The following RRAGB variants were observed in gnomAD, a reference collection of about 807,000 sequenced individuals.
The protein encoded by RRAGB is Ras related GTP binding B, also known as ras-related GTP-binding protein B.
RRAGB carries 6 observed loss-of-function variants against 29.3 expected under a neutral mutation model. That is an observed-to-expected ratio of 0.21 (90% CI 0.11 to 0.40). The LOEUF is 0.40. RRAGB is among the 10% of genes least tolerant of loss of function. RRAGB has a pLI of 1.00. For synonymous variants in RRAGB, 101 were observed against 92.5 expected (o/e 1.09, Z -0.53); for missense variants, 184 against 272.9 (o/e 0.67, Z 2.29).
intron 6 of RRAGB, 85 bp downstream of exon 6, chrX:55,751,281 CTA>C (rs2034519579): frequency 2.0e-6 from 1 of 491,470 alleles, no homozygotes; most frequent in Non-Finnish European, 3.3e-6. Flanking sequence ...AGATTTTAAA[CTA>C]TTTCATAGCC....
intron 5 of RRAGB, among the ~76,000 whole-genome samples, chrX:55,737,767 G>A (rs1237931337): frequency 8.9e-6 from 1 of 112,643 alleles, no homozygotes; most frequent in Non-Finnish European, 1.9e-5. Flanking sequence ...CACACTCTAA[G>A]CTGGTGCTGG....
At chrX:55,750,806 G>T (rs1011141772) in intron 5 of RRAGB, among the ~76,000 whole-genome samples, 5 of 111,708 alleles carry the variant, frequency 4.5e-5, no homozygotes, top group African/African-American at 1.6e-4. Context: ...TGGTGCTTTG[G>T]AGTGTTTGAT....
chrX:55,721,129 T>C (rs2033264910), intron 2 of RRAGB, among the ~76,000 whole-genome samples: 1 of 111,529 alleles, frequency 9.0e-6, no homozygotes, highest in Admixed American at 9.5e-5. Context: ...TTGCTTTCTA[T>C]ATTTGTTTTG....
At chrX:55,752,874 A>C (rs1364842935) in intron 6 of RRAGB, among the ~76,000 whole-genome samples, 1 of 111,755 alleles carries the variant, frequency 8.9e-6, no homozygotes, top group Non-Finnish European at 1.9e-5. Context: ...GGGAATGATA[A>C]TGCCACTAGT....
intron 5 of RRAGB, among the ~76,000 whole-genome samples, chrX:55,735,462 T>C (rs1354953266): frequency 8.9e-6 from 1 of 112,595 alleles, no homozygotes; most frequent in African/African-American, 3.2e-5. Context: ...TCCATTAACA[T>C]GGAATATTCT....
At chrX:55,751,023 A>G (rs2034507949) in intron 5 of RRAGB, 78 bp from the exon 6 acceptor site, 1 of 597,026 alleles carries the variant, frequency 1.7e-6, no homozygotes, top group African/African-American at 2.3e-5. Flanking sequence ...TGGTTAAAAT[A>G]TGATAAAATA....
chrX:55,720,088 C>T (rs753734033), intron 2 of RRAGB, among the ~76,000 whole-genome samples: 28 of 112,094 alleles, frequency 2.5e-4, no homozygotes, highest in Admixed American at 2.5e-3. Flanking sequence ...AAATTAATAA[C>T]CGAAGGAAAT....
At chrX:55,732,155 C>A (rs2033704580) in intron 5 of RRAGB, among the ~76,000 whole-genome samples, 1 of 111,866 alleles carries the variant, frequency 8.9e-6, no homozygotes, top group Non-Finnish European at 1.9e-5. Flanking sequence ...AGTCTTCATT[C>A]CCCTACAAAA....
chrX:55,729,281 A>G lies in RRAGB; in HGVS notation c.227-13A>G. 8.7e-7 allele frequency: 1 copy of G among 1,147,205 alleles called. No homozygotes were observed. Among genetic ancestry groups the G allele is most frequent in the Non-Finnish European group, 1.2e-6 (1 of 838,665 alleles). The allele number at this position is 1,147,205 out of a possible 1,213,427, so 94.5% of individuals were successfully genotyped here. ...CTGTTATAATTACTAGATTTGTCAT[A>G]TTTGTCTTCCAGTTGATGTAGAACA... On this transcript the variant is annotated splice_polypyrimidine_tract_variant and intron_variant, in intron 3 of 9. Coordinates refer to ENST00000374941, the MANE Select transcript of RRAGB (RefSeq NM_006064.5).
intron 4 of RRAGB, among the ~76,000 whole-genome samples, chrX:55,730,935 A>G (rs866570100): frequency 5.4e-5 from 6 of 110,608 alleles, no homozygotes; most frequent in Non-Finnish European, 9.4e-5. Flanking sequence ...ACTGAAATCT[A>G]AAGAGACAAG....
At chrX:55,755,323 G>A (rs1906244716) in intron 7 of RRAGB, 1 of 752,407 alleles carries the variant, frequency 1.3e-6, no homozygotes, top group African/African-American at 2.3e-5. Context: ...ATTTTCAGCT[G>A]GTGTGGGTGT....
In RRAGB at chrX:55,722,247, A is replaced by G. The variant is rs1363642952; in HGVS notation, c.188A>G (p.Asn63Ser). 2 of 1,198,259 alleles carry G rather than the reference A, an allele frequency of 1.7e-6. No individual in the cohort carries two copies. Among genetic ancestry groups the G allele is most frequent in the African/African-American group, 1.7e-5 (1 of 57,679 alleles). The change falls in exon 3 of 10, where the codon AAT (asparagine) becomes AGT (serine). Residue 63 changes from asparagine (N) to serine (S), a missense_variant. Asn to Ser is a conservative substitution (Grantham distance 46). Transcript: ENST00000374941. ...KTSMRSIIFA[N>S]YIARDTRRLG... The stretch of plus-strand genomic sequence containing the variant: ...AGCATGAGGTCTATTATCTTTGCAA[A>G]TTATATTGCCAGAGACACACGTCGC...
At chrX:55,729,736 A>T (rs1443789186) in intron 4 of RRAGB, among the ~76,000 whole-genome samples, 1 of 112,228 alleles carries the variant, frequency 8.9e-6, no homozygotes, top group African/African-American at 3.2e-5. Context: ...TTCTCCAGGC[A>T]GTCTCAATAC....
At chrX:55,748,401 G>A (rs1383814992) in intron 5 of RRAGB, among the ~76,000 whole-genome samples, 2 of 108,201 alleles carry the variant, frequency 1.8e-5, no homozygotes, top group African/African-American at 3.4e-5. Flanking sequence ...CTGCCCGGCC[G>A]CCATCCCATC....
At chrX:55,750,975 CA>C (rs762822256) in intron 5 of RRAGB, 125 bp from the exon 6 acceptor site, 26 of 448,838 alleles carry the variant, frequency 5.8e-5, no homozygotes, top group Admixed American at 8.9e-5. Context: ...GTGAAATAGA[CA>C]TACTTAAAAT....
rs779146249 is a variant in RRAGB, at chrX:55,719,336, A to G, written c.115A>G (p.Met39Val). The change falls in exon 2 of 10, where the codon ATG becomes GTG. Residue 39 changes from methionine to valine, a missense_variant. Physicochemically the swap from Met to Val is conservative, Grantham distance 21. Transcript: ENST00000374941. ...SLGWVLPNTA[M>V]KKKVLLMGKS... Reference sequence around the variant, plus strand: ...CAGGTGGGTGCTACCAAATACAGCCATGAAGAAAAAGGTAAGACGTGTTAG... The same window carrying G: ...CAGGTGGGTGCTACCAAATACAGCCGTGAAGAAAAAGGTAAGACGTGTTAG... 3.4e-5 allele frequency: 41 copies of G among 1,189,283 alleles called. No homozygotes were observed. The highest frequency in any genetic ancestry group is 4.5e-5 in the Non-Finnish European group (40 of 883,795).
intron 5 of RRAGB, among the ~76,000 whole-genome samples, chrX:55,748,977 C>CT (rs1275841199): frequency 1.1e-5 from 1 of 94,241 alleles, no homozygotes; most frequent in Non-Finnish European, 2.1e-5. Context: ...TCAGCCCCCC[C>CT]GCCCGGCCGG....
intron 7 of RRAGB, chrX:55,755,138 A>T: frequency 1.3e-6 from 1 of 749,800 alleles, no homozygotes; most frequent in South Asian, 6.8e-5. Context: ...TTGTTCTTCC[A>T]CTGGTATAGA....
At chrX:55,745,083 CCT>C (rs1274373705) in intron 5 of RRAGB, among the ~76,000 whole-genome samples, 1 of 111,973 alleles carries the variant, frequency 8.9e-6, no homozygotes, top group Non-Finnish European at 1.9e-5. Flanking sequence ...GTAGAAGACC[CCT>C]GAGTTTTTGT....
Sources: gnomAD v4.1 joint callset for allele counts (sites outside exome capture counted in the v4.1 genomes callset) on GRCh38, gnomAD v4.1.1 for gene constraint, MANE v1.5 for transcripts, NCBI Gene and HGNC (gene_info 2026-07-23, HGNC 2026-07-21) for gene names.